The following SMG1 variants were observed in gnomAD, a reference collection of about 807,000 sequenced individuals.
The protein encoded by SMG1 is SMG1 nonsense mediated mRNA decay associated PI3K related kinase, also known as serine/threonine-protein kinase SMG1.
In SMG1, 22 loss-of-function variants were observed where a neutral mutation model predicts 419.9. The observed-to-expected ratio is 0.05, with a 90% CI of 0.04 to 0.07. The LOEUF is 0.07. Ranked by LOEUF, SMG1 falls within the 10% of genes least tolerant of loss-of-function variation. The pLI is 1.00. For missense variants in SMG1, 3,185 were observed against 4,342.0 expected, an observed-to-expected ratio of 0.73 and a Z score of 7.49; for synonymous variants, 1,538 against 1,553.5, an observed-to-expected ratio of 0.99 and a Z score of 0.23.
At chr16:18,849,803 T>G in intron 35 of SMG1, 146 bp downstream of exon 35, 1 of 722,660 alleles carries the variant, frequency 1.4e-6, no homozygotes, top group Non-Finnish European at 2.2e-6. Context: ...CCTAGTGATG[T>G]AACAAGCAGT....
At chr16:18,827,856 C>CTATATATA (rs66730720) in intron 55 of SMG1, among the ~76,000 whole-genome samples, 175 bp downstream of exon 55, 1 of 143,834 alleles carries the variant, frequency 7.0e-6, no homozygotes, top group Non-Finnish European at 1.5e-5. Context: ...ATATATATAC[C>CTATATATA]TATATATATA....
rs762083997 is a variant in SMG1, at chr16:18,837,298, T to C, written c.7559A>G (p.Glu2520Gly). The change falls in exon 46 of 63, where the codon GAA (glutamate) becomes GGA (glycine). Residue 2520 changes from glutamate (E) to glycine (G), a missense_variant. This residue lies in a region of SMG1 where 412 missense variants were observed against 546.6 expected (regional missense o/e 0.75). Coordinates refer to ENST00000446231, the MANE Select transcript of SMG1 (RefSeq NM_015092.5). ...AGGATGATCCACCCCTTCAGCTCCT[T>C]CTAGAAACTCTATTTCCTCCAGTAG... is the stretch of plus-strand genomic sequence containing the variant. ...GKLLEEIEFLEGAEGVDHPSH... is the reference protein window; with the variant it reads ...GKLLEEIEFLGGAEGVDHPSH... 4.7e-5 allele frequency: 76 copies of C among 1,613,908 alleles called. No individual in the cohort carries two copies. Among genetic ancestry groups the C allele is most frequent in the Non-Finnish European group, 5.6e-5 (66 of 1,179,902 alleles).
In SMG1 at chr16:18,916,559, A is replaced by G. The variant is rs577043896; in HGVS notation, c.92+9391T>C. ...AAAGAATAACGTTATAAAACCAAGT[A>G]TCTCTGCATGAGCAAACTCCACAAG... On this transcript the variant is annotated intron_variant, in intron 1 of 62. Coordinates refer to ENST00000446231, the MANE Select transcript of SMG1 (RefSeq NM_015092.5). Among the ~76,000 whole-genome samples, 6 of 150,868 alleles carry G rather than the reference A, an allele frequency of 4.0e-5. No homozygotes were observed. In the East Asian group the frequency reaches 1.2e-3, roughly 30 times the overall value.
At chr16:18,902,959 G>A (rs1022505476) in intron 1 of SMG1, among the ~76,000 whole-genome samples, 1 of 152,006 alleles carries the variant, frequency 6.6e-6, no homozygotes, top group African/African-American at 2.4e-5. Flanking sequence ...TGAGACCACA[G>A]GCTTACTCCA....
intron 35 of SMG1, 57 bp from the exon 36 acceptor site, chr16:18,849,435 T>C (rs1202658757): frequency 6.7e-7 from 1 of 1,499,672 alleles, no homozygotes; most frequent in Non-Finnish European, 9.1e-7. Flanking sequence ...ATGAAGAAAC[T>C]ATCAGCATCG....
intron 35 of SMG1, 56 bp from the exon 36 acceptor site, chr16:18,849,434 C>T (rs757142610): frequency 6.7e-7 from 1 of 1,501,064 alleles, no homozygotes; most frequent in Non-Finnish European, 9.1e-7. Flanking sequence ...TATGAAGAAA[C>T]TATCAGCATC....
Position 18,896,836 on chromosome 16 carries a change from G to C in SMG1, c.213C>G (p.His71Gln), listed in dbSNP as rs767148741. The change falls in exon 2 of 63, where the codon CAC becomes CAG. Residue 71 changes from histidine to glutamine, a missense_variant. Transcript: ENST00000446231. ...TGTCAGCGTGGACTCTGGTATCATC[G>C]TGCCTTTGCCGAGACACCACAGCTG... ...SNSAVVSRQR[H>Q]DDTRVHADIQ... 1 of 1,609,186 alleles carries C rather than the reference G, an allele frequency of 6.2e-7. No individual in the cohort carries two copies. Among genetic ancestry groups the C allele is most frequent in the African/African-American group, 1.3e-5 (1 of 74,718 alleles).
chr16:18,849,474 G>A (rs1329069434), intron 35 of SMG1, 96 bp from the exon 36 acceptor site: 1 of 1,156,240 alleles, frequency 8.6e-7, no homozygotes, highest in Non-Finnish European at 1.2e-6. Flanking sequence ...CGTGATGTGT[G>A]TCGGCATTAG....
intron 23 of SMG1, among the ~76,000 whole-genome samples, chr16:18,865,686 G>A (rs2035462819): frequency 6.8e-6 from 1 of 147,828 alleles, no homozygotes; most frequent in African/African-American, 2.5e-5. Context: ...TTTGGAGACA[G>A]AGTTTCGCTC....
chr16:18,854,082 C>CTTTTT (rs11448105), intron 30 of SMG1, among the ~76,000 whole-genome samples: 45 of 83,996 alleles, frequency 5.4e-4, no homozygotes, highest in Non-Finnish European at 6.2e-4. Flanking sequence ...AAATACTAAA[C>CTTTTT]TTTTTTTTTT....
At chr16:18,841,853 C>A in intron 40 of SMG1, 59 bp from the exon 41 acceptor site, 1 of 1,424,874 alleles carries the variant, frequency 7.0e-7, no homozygotes, top group Non-Finnish European at 9.9e-7. Context: ...GGGAGCATAC[C>A]ACTCCTCTTT....
chr16:18,811,499 CT>C (rs2031391413), intron 62 of SMG1, among the ~76,000 whole-genome samples: 2 of 152,276 alleles, frequency 1.3e-5, no homozygotes, highest in African/African-American at 4.8e-5. Flanking sequence ...TGGAAACTAA[CT>C]GTAGTCTGGT....
At chr16:18,892,115 T>C in intron 4 of SMG1, 103 bp downstream of exon 4, 1 of 848,726 alleles carries the variant, frequency 1.2e-6, no homozygotes. Context: ...TTCTCGATCA[T>C]CATAATACAG....
chr16:18,910,388 GC>G (rs2037746894), intron 1 of SMG1, among the ~76,000 whole-genome samples: 1 of 151,686 alleles, frequency 6.6e-6, no homozygotes, highest in Non-Finnish European at 1.5e-5. Flanking sequence ...GCACCACCAT[GC>G]CCAGCTAATT....
In SMG1 at chr16:18,849,329, C is replaced by T; in HGVS notation, c.5511G>A (p.Val1837=). ...AGAGAAGGTTACAAATACTTTGGCG[C>T]ACATACACTTCAGGGTGGTTTAAGC... is the stretch of plus-strand genomic sequence containing the variant. ...FSRLNHPEVY[V]RQSICNLLCR... The change falls in exon 36 of 63, where the codon GTG becomes GTA. Residue 1837 remains valine (V), a synonymous_variant. Transcript: ENST00000446231. The T allele has an allele frequency of 6.2e-7, 1 of 1,613,778 alleles. No individual in the cohort carries two copies. The highest frequency in any genetic ancestry group is 8.5e-7 in the Non-Finnish European group (1 of 1,179,802).
rs2030786757 is a variant in SMG1, at chr16:18,805,893, G to A, written c.*3676C>T. On this transcript the variant is annotated 3_prime_UTR_variant, in exon 63 of 63. Transcript: ENST00000446231. ...AGTAAAGCATTCACTGATATTTGATGTATCTGAATAGGACTAACAGGCTAA... is the reference window on the plus strand; with the variant it reads ...AGTAAAGCATTCACTGATATTTGATATATCTGAATAGGACTAACAGGCTAA... The A allele has an allele frequency of 2.0e-5, 3 of 152,596 alleles. No individual in the cohort carries two copies. In the South Asian group the frequency reaches 6.2e-4, roughly 32 times the overall value. 9.5% of individuals were successfully genotyped at this position (152,596 alleles called of 1,614,324 possible).
At chr16:18,880,964 A>G (rs1259729877) in intron 10 of SMG1, among the ~76,000 whole-genome samples, 1 of 141,456 alleles carries the variant, frequency 7.1e-6, no homozygotes, top group Non-Finnish European at 1.5e-5. Context: ...CCCACTTTAA[A>G]AAGAAAAAAA....
At chr16:18,816,042 T>C (rs951958415) in intron 58 of SMG1, 3 of 502,364 alleles carry the variant, frequency 6.0e-6, no homozygotes, top group Non-Finnish European at 7.1e-6. Context: ...TAGGTTCATA[T>C]CTTGGTTTTA....
chr16:18,838,572 A>T lies in SMG1; in HGVS notation c.7063T>A (p.Tyr2355Asn). The T allele has an allele frequency of 6.2e-7, 1 of 1,613,496 alleles. No homozygotes were observed. The highest frequency in any genetic ancestry group is 8.5e-7 in the Non-Finnish European group (1 of 1,179,410). The stretch of plus-strand genomic sequence containing the variant: ...TTACCTTTTTCAAAGCAAACATTGT[A>T]ATCTATGTGAACAACTTCTCCAGTC... ...MTTGEVVHID[Y>N]NVCFEKGKSL... Residue 2355 changes from tyrosine (Y) to asparagine (N), a missense_variant, in exon 43 of 63, where the codon TAC (tyrosine) becomes AAC (asparagine). By Grantham distance (143) the Tyr-to-Asn change is moderately radical. This residue lies in a region of SMG1 where 60 missense variants were observed against 133.9 expected (regional missense o/e 0.45). Transcript: ENST00000446231.
Sources: allele counts gnomAD v4.1 joint callset (sites outside exome capture counted in the v4.1 genomes callset), GRCh38; gene constraint gnomAD v4.1.1; regional missense constraint gnomAD v4.1.1; transcripts MANE v1.5; gene names NCBI Gene and HGNC (gene_info 2026-07-23, HGNC 2026-07-21).